Variants in CTNND2 observed in about 807,000 individuals in gnomAD.
CTNND2 encodes catenin delta 2, also known as catenin delta-2.
In CTNND2, 22 loss-of-function variants were observed where a neutral mutation model predicts 144.4. That is an observed-to-expected ratio of 0.15 (90% CI 0.11 to 0.22). The LOEUF is 0.22. Ranked by LOEUF, CTNND2 falls within the 10% of genes least tolerant of loss-of-function variation. CTNND2 has a pLI of 1.00. For synonymous variants in CTNND2, 751 were observed against 695.6 expected, an observed-to-expected ratio of 1.08 and a Z score of -1.25; for missense variants, 1,353 against 1,618.8, an observed-to-expected ratio of 0.84 and a Z score of 2.82.
intron 2 of CTNND2, among the ~76,000 whole-genome samples, chr5:11,587,039 T>C (rs1294366943): frequency 1.3e-5 from 2 of 152,086 alleles, no homozygotes; most frequent in Non-Finnish European, 2.9e-5. Context: ...CTTAATTGCG[T>C]TTTTAAACTC....
chr5:11,550,601 G>C (rs776106900), intron 3 of CTNND2, among the ~76,000 whole-genome samples: 1 of 152,152 alleles, frequency 6.6e-6, no homozygotes. Flanking sequence ...AACTTCCTCA[G>C]CTCTTGAGGT....
At chr5:11,421,025 G>C (rs913631866) in intron 3 of CTNND2, among the ~76,000 whole-genome samples, 7 of 152,064 alleles carry the variant, frequency 4.6e-5, no homozygotes, top group Non-Finnish European at 8.8e-5. Flanking sequence ...CTAGATCCCT[G>C]AGAGGTCAGA....
intron 11 of CTNND2, among the ~76,000 whole-genome samples, chr5:11,195,166 AT>A (rs1561003115): frequency 6.6e-6 from 1 of 152,156 alleles, no homozygotes; most frequent in South Asian, 2.1e-4. Flanking sequence ...ATGTTCAACG[AT>A]TTTTTTAAAG....
intron 12 of CTNND2, among the ~76,000 whole-genome samples, chr5:11,141,001 C>T (rs1339605558): frequency 1.3e-5 from 2 of 152,042 alleles, no homozygotes; most frequent in Non-Finnish European, 2.9e-5. Flanking sequence ...GTTGCCCAGG[C>T]TGGAATGCAG....
intron 11 of CTNND2, among the ~76,000 whole-genome samples, chr5:11,177,119 T>C (rs1760552054): frequency 1.3e-5 from 2 of 152,200 alleles, no homozygotes; most frequent in Non-Finnish European, 2.9e-5. Flanking sequence ...AGATGGAGTT[T>C]ATAAATTCCT....
intron 3 of CTNND2, among the ~76,000 whole-genome samples, chr5:11,470,364 G>C (rs1055261588): frequency 1.3e-5 from 2 of 152,196 alleles, no homozygotes; most frequent in Admixed American, 6.5e-5. Context: ...AACTTGGGAG[G>C]CGGAGATTTG....
chr5:11,549,408 C>G (rs755660220), intron 3 of CTNND2, among the ~76,000 whole-genome samples: 3 of 152,180 alleles, frequency 2.0e-5, no homozygotes, highest in Non-Finnish European at 4.4e-5. Flanking sequence ...ATAGCACAAA[C>G]TCATACTCCT....
chr5:11,330,267 C>T (rs1210810544), intron 9 of CTNND2, among the ~76,000 whole-genome samples: 1 of 145,656 alleles, frequency 6.9e-6, no homozygotes, highest in Non-Finnish European at 1.5e-5. Flanking sequence ...GTCAGGAGAT[C>T]GAGACCTTCC....
chr5:11,195,447 G>T (rs1221177526), intron 11 of CTNND2, among the ~76,000 whole-genome samples: 1 of 152,206 alleles, frequency 6.6e-6, no homozygotes, highest in Non-Finnish European at 1.5e-5. Flanking sequence ...CAGGTCTGGA[G>T]AGCAATATCC....
chr5:11,672,165 G>C (rs1259670234), intron 2 of CTNND2, among the ~76,000 whole-genome samples: 1 of 152,210 alleles, frequency 6.6e-6, no homozygotes, highest in East Asian at 1.9e-4. Flanking sequence ...CTTCGTCCCA[G>C]AGGGACACCT....
intron 10 of CTNND2, among the ~76,000 whole-genome samples, chr5:11,202,534 G>A (rs1350053250): frequency 6.6e-6 from 1 of 152,106 alleles, no homozygotes; most frequent in Non-Finnish European, 1.5e-5. Context: ...AAGAATGTGA[G>A]AACCCTACTT....
At chr5:11,883,114 C>T (rs574977947) in intron 1 of CTNND2, among the ~76,000 whole-genome samples, 3 of 152,202 alleles carry the variant, frequency 2.0e-5, no homozygotes, top group African/African-American at 7.2e-5. Flanking sequence ...TGACTGCTCA[C>T]TGTTGGGCAT....
chr5:11,147,394 T>A (rs1757340973), intron 12 of CTNND2, among the ~76,000 whole-genome samples: 1 of 152,136 alleles, frequency 6.6e-6, no homozygotes, highest in Non-Finnish European at 1.5e-5. Context: ...GGTAGTCACA[T>A]GTAAAGGTCC....
chr5:11,200,221 G>A (rs1561011109), intron 10 of CTNND2, among the ~76,000 whole-genome samples: 1 of 152,136 alleles, frequency 6.6e-6, no homozygotes, highest in Non-Finnish European at 1.5e-5. Flanking sequence ...AAGGTGTGAG[G>A]CCAAGGCACG....
chr5:11,753,232 T>C (rs1788724258), intron 1 of CTNND2, among the ~76,000 whole-genome samples: 1 of 151,776 alleles, frequency 6.6e-6, no homozygotes, highest in East Asian at 1.9e-4. Context: ...GTGGTGACAG[T>C]GGTCATCCTT....
At chr5:11,345,057 C>A (rs1408805449) in intron 9 of CTNND2, among the ~76,000 whole-genome samples, 1 of 152,052 alleles carries the variant, frequency 6.6e-6, no homozygotes, top group East Asian at 1.9e-4. Flanking sequence ...TGTCTTTTAG[C>A]ATTTCTTAAG....
At chr5:10,991,167 C>T (rs1374126342) in intron 19 of CTNND2, among the ~76,000 whole-genome samples, 3 of 152,198 alleles carry the variant, frequency 2.0e-5, no homozygotes, top group African/African-American at 7.2e-5. Flanking sequence ...TCAGCTTTCA[C>T]AGAGCTGGGA....
At chr5:11,017,275 T>G (rs1741710274) in intron 18 of CTNND2, among the ~76,000 whole-genome samples, 1 of 152,182 alleles carries the variant, frequency 6.6e-6, no homozygotes, top group Non-Finnish European at 1.5e-5. Context: ...TTTTTTCTCT[T>G]AAGGGATTTT....
intron 3 of CTNND2, among the ~76,000 whole-genome samples, chr5:11,427,611 T>C (rs756338552): frequency 6.6e-6 from 1 of 152,096 alleles, no homozygotes. Context: ...AGATCCTAAA[T>C]CTGCATTTTG....
Sources: allele counts gnomAD v4.1 joint callset (sites outside exome capture counted in the v4.1 genomes callset), GRCh38; gene constraint gnomAD v4.1.1; transcripts MANE v1.5; gene names NCBI Gene and HGNC (gene_info 2026-07-23, HGNC 2026-07-21).